Variants in LMNTD2 observed in about 807,000 individuals in gnomAD.
The protein encoded by LMNTD2 is lamin tail domain containing 2, also known as lamin tail domain-containing protein 2.
LMNTD2 carries 83 observed loss-of-function variants against 70.1 expected under a neutral mutation model. That is an observed-to-expected ratio of 1.18 (90% confidence interval 0.99 to 1.42). The LOEUF is 1.42. Ranked by LOEUF, LMNTD2 falls within the 40% of genes most tolerant of loss-of-function variation. The pLI, the probability that LMNTD2 is intolerant of heterozygous loss-of-function variation, is 0.00. For synonymous variants in LMNTD2, 534 were observed against 406.1 expected (o/e 1.31, Z -3.79); for missense variants, 1,153 against 905.9 (o/e 1.27, Z -3.50).
At chr11:556,459 C>G (rs745728507) in intron 9 of LMNTD2, 33 bp downstream of exon 9, 1 of 1,549,092 alleles carries the variant, frequency 6.5e-7, no homozygotes, top group South Asian at 1.2e-5. Flanking sequence ...AGCTCCAGTC[C>G]GGCGCCGGAG....
In LMNTD2 at chr11:555,848, C is replaced by T. The variant is rs758209006; in HGVS notation, c.1460G>A (p.Arg487His). 4 of 1,554,554 alleles carry T rather than the reference C, an allele frequency of 2.6e-6. No homozygotes were observed. Among genetic ancestry groups the T allele is most frequent in the African/African-American group, 2.9e-5 (2 of 70,126 alleles). Reference protein sequence around the residue: ...FADGTDLSIDRFPLPEAGPGA... With the variant: ...FADGTDLSIDHFPLPEAGPGA... ...GGGCCCGGCCTCAGGGAGCGGGAAG[C>T]GGTCGATGGACAAGTCGGTGCCGTC... The change falls in exon 12 of 14, where the codon CGC (arginine) becomes CAC (histidine). Residue 487 changes from arginine to histidine, a missense_variant. By Grantham distance (29) the Arg-to-His change is conservative. Transcript: ENST00000329451.
chr11:558,130 A>G (rs754928077), intron 4 of LMNTD2, 31 bp downstream of exon 4: 2 of 1,611,238 alleles, frequency 1.2e-6, no homozygotes, highest in Non-Finnish European at 1.7e-6. Context: ...CAACACCAGG[A>G]CCCTGCCCAC....
intron 1 of LMNTD2, chr11:559,507 GGT>G (rs979706265): frequency 2.3e-6 from 3 of 1,277,082 alleles, no homozygotes; most frequent in African/African-American, 3.1e-5. Context: ...GCCTGGAGGA[GGT>G]GTGAGAGGCT....
At position 557,893 on chromosome 11, in the gene LMNTD2, G is replaced by A. The variant is rs771826166; in HGVS notation, c.546C>T (p.Gly182=). 6.4e-7 allele frequency: 1 copy of A among 1,568,854 alleles called. No individual in the cohort carries two copies. The highest frequency in any genetic ancestry group is 1.3e-5 in the African/African-American group (1 of 74,160). Reference sequence around the variant, plus strand: ...TGGGGGACAGGCTCACCTCCACACTGCCAGTCTGGGATCGTAGCATGCGGC... The same window carrying A: ...TGGGGGACAGGCTCACCTCCACACTACCAGTCTGGGATCGTAGCATGCGGC... ...WVGRMLRSQT[G]SVEVVTAETL... is the part of the protein sequence containing the mutation. The change falls in exon 5 of 14, where the codon GGC becomes GGT. Residue 182 remains glycine, a synonymous_variant. Coordinates refer to ENST00000329451, the MANE Select transcript of LMNTD2 (RefSeq NM_173573.3).
intron 3 of LMNTD2, 138 bp downstream of exon 3, chr11:558,476 G>A (rs1853049434): frequency 3.3e-6 from 4 of 1,198,674 alleles, no homozygotes; most frequent in East Asian, 2.6e-5. Context: ...GTTAACTTAG[G>A]ATCAGGGTGG....
Position 556,983 on chromosome 11 carries a change from G to C in LMNTD2, c.828C>G (p.Ser276Arg), listed in dbSNP as rs1158769205. ...AGTCGGAGTCAGCGCCCCCTGAGCT[G>C]CTGGTGTTCAGACAGGGCAGGGAGC... ...EWGSLPCLNT[S>R]SSGGADSDSS... Residue 276 changes from serine to arginine, a missense_variant, in exon 8 of 14, where the codon AGC (serine) becomes AGG (arginine). By Grantham distance (110) the Ser-to-Arg change is moderately radical (BLOSUM62 -1). Transcript: ENST00000329451. 6.2e-7 allele frequency: 1 copy of C among 1,607,642 alleles called. No homozygotes were observed. Among genetic ancestry groups the C allele is most frequent in the South Asian group, 1.1e-5 (1 of 90,664 alleles).
At chr11:559,118 G>A in intron 1 of LMNTD2, 139 bp from the exon 2 acceptor site, 1 of 1,495,730 alleles carries the variant, frequency 6.7e-7, no homozygotes, top group Non-Finnish European at 8.9e-7. Context: ...CACACAGGTT[G>A]GAGCAGCCCA....
At chr11:557,308 C>T (rs568252351) in intron 7 of LMNTD2, 91 bp downstream of exon 7, 6 of 1,450,598 alleles carry the variant, frequency 4.1e-6, no homozygotes, top group East Asian at 5.0e-5. Context: ...TATCCAGGGA[C>T]ACTAAATGGT....
chr11:555,451 C>T lies in LMNTD2; in HGVS notation c.1627G>A (p.Glu543Lys). The change falls in exon 13 of 14, where the codon GAG becomes AAG. Residue 543 changes from glutamate to lysine, a missense_variant. Transcript: ENST00000329451. The part of the protein sequence containing the change: ...VSSGKLFHAR[E>K]GPARPENPEI... ...GGGTTCTCGGGCCGCGCAGGCCCCT[C>T]CCGCGCGTGGAAGAGCTTCCCCGAG... is the stretch of plus-strand genomic sequence containing the variant. The T allele has an allele frequency of 2.2e-6, 3 of 1,379,428 alleles. No homozygotes were observed. The highest frequency in any genetic ancestry group is 3.0e-5 in the East Asian group (1 of 33,800). 85.4% of individuals were successfully genotyped at this position (1,379,428 alleles called of 1,614,324 possible).
intron 1 of LMNTD2, chr11:560,450 C>T (rs1385594634): frequency 1.6e-6 from 2 of 1,251,526 alleles, no homozygotes; most frequent in Admixed American, 4.3e-5. Flanking sequence ...GGCTCCACCT[C>T]CCTCGCCGGG....
Position 558,716 on chromosome 11 carries a change from T to C in LMNTD2, c.209A>G (p.Gln70Arg), listed in dbSNP as rs1166758833. ...CAAGGCCTGGATCTCCAGTTCTCGC[T>C]GTCTCCACAGCAGCCGCAGTGTGCG... is the stretch of plus-strand genomic sequence containing the variant. ...DPRTLRLLWR[Q>R]RELEIQALRW... is the part of the protein sequence containing the mutation. Residue 70 changes from glutamine to arginine, a missense_variant, in exon 3 of 14, where the codon CAG becomes CGG. Gln to Arg is a conservative substitution (Grantham distance 43). Coordinates refer to ENST00000329451, the MANE Select transcript of LMNTD2 (RefSeq NM_173573.3). 6.2e-7 allele frequency: 1 copy of C among 1,607,470 alleles called. No individual in the cohort carries two copies. The highest frequency in any genetic ancestry group is 8.5e-7 in the Non-Finnish European group (1 of 1,177,866).
chr11:559,546 A>C, intron 1 of LMNTD2: 1 of 1,219,392 alleles, frequency 8.2e-7, no homozygotes, highest in Non-Finnish European at 1.1e-6. Flanking sequence ...TAGCGGGGGG[A>C]CCACTTAGTG....
At chr11:559,661 G>A (rs1322917662) in intron 1 of LMNTD2, 1 of 1,173,838 alleles carries the variant, frequency 8.5e-7, no homozygotes, top group Non-Finnish European at 1.1e-6. Context: ...GCATAGCCAT[G>A]GGTGTGTGGG....
chr11:559,813 G>A, intron 1 of LMNTD2: 1 of 986,882 alleles, frequency 1.0e-6, no homozygotes, highest in Non-Finnish European at 1.2e-6. Flanking sequence ...AGGCTGGAAT[G>A]CTTCGGTGTG....
In LMNTD2 at chr11:557,442, A is replaced by AC; in HGVS notation, c.669dup (p.Tyr224ValfsTer59). On this transcript the variant is annotated frameshift_variant, in exon 7 of 14. Coordinates refer to ENST00000329451, the MANE Select transcript of LMNTD2 (RefSeq NM_173573.3). LOFTEE classifies it high-confidence loss of function. Reference sequence around the variant, plus strand: ...TCCATGTTGGTGAAGAGGTTGGGATACCGGCGGGCAACGCTGTTCCAATCC... The same window carrying AC: ...TCCATGTTGGTGAAGAGGTTGGGATACCCGGCGGGCAACGCTGTTCCAATCC... 4 of 1,608,836 alleles carry AC rather than the reference A, an allele frequency of 2.5e-6. No homozygotes were observed. In the South Asian group the frequency reaches 4.4e-5, roughly 18 times the overall value.
intron 1 of LMNTD2, chr11:559,952 G>T: frequency 5.0e-6 from 1 of 201,310 alleles, no homozygotes; most frequent in Non-Finnish European, 9.4e-6. Flanking sequence ...TGACCTCAGT[G>T]ACAGGCACTC....
At chr11:555,524 AG>A in intron 12 of LMNTD2, 21 bp from the exon 13 acceptor site, 1 of 1,344,268 alleles carries the variant, frequency 7.4e-7, no homozygotes, top group Non-Finnish European at 9.5e-7. Context: ...GAGGGTCGTG[AG>A]GGCGGCGGCC....
chr11:560,657 G>A (rs1454577288), intron 1 of LMNTD2, 26 bp downstream of exon 1: 3 of 1,412,858 alleles, frequency 2.1e-6, no homozygotes, highest in African/African-American at 3.0e-5. Flanking sequence ...GAGGAAGTCG[G>A]CCCAGGAGCG....
intron 8 of LMNTD2, 85 bp downstream of exon 8, chr11:556,750 A>AC: frequency 4.8e-6 from 7 of 1,443,328 alleles, no homozygotes. Flanking sequence ...CTGGAGGGCC[A>AC]CCTCCAGGGC....
Sources: allele counts gnomAD v4.1 joint callset, GRCh38; gene constraint gnomAD v4.1.1; transcripts MANE v1.5; gene names NCBI Gene and HGNC (gene_info 2026-07-23, HGNC 2026-07-21).